Variants in ADISSP observed in about 807,000 individuals in gnomAD.
ADISSP encodes adipose secreted signaling protein.
At chr20:3,754,545 C>T in the ADISSP span, 1 of 1,600,200 alleles carries the variant, frequency 6.2e-7, no homozygotes, top group Non-Finnish European at 8.5e-7. Context: ...GGCAATTGGT[C>T]AGCACCTCCC....
the ADISSP span, among the ~76,000 whole-genome samples, chr20:3,762,198 G>C: frequency 6.6e-6 from 1 of 152,042 alleles, no homozygotes; most frequent in Non-Finnish European, 1.5e-5. Flanking sequence ...CTTGAATCCG[G>C]AAGGCGGAGG....
the ADISSP span, among the ~76,000 whole-genome samples, chr20:3,756,740 A>C: frequency 6.6e-6 from 1 of 152,294 alleles, no homozygotes; most frequent in African/African-American, 2.4e-5. Flanking sequence ...TTTCCAGGGG[A>C]AATAGAGATG....
the ADISSP span, among the ~76,000 whole-genome samples, chr20:3,764,103 C>T: frequency 2.0e-5 from 3 of 152,220 alleles, no homozygotes; most frequent in East Asian, 1.9e-4. Flanking sequence ...CCCCAGGGAA[C>T]TTGGTCTTGG....
chr20:3,766,974 C>T, the ADISSP span, among the ~76,000 whole-genome samples: 1 of 152,108 alleles, frequency 6.6e-6, no homozygotes, highest in East Asian at 1.9e-4. Flanking sequence ...TTCATACCAC[C>T]GGGAGGGAGG....
At chr20:3,756,768 C>T in the ADISSP span, among the ~76,000 whole-genome samples, 5 of 152,188 alleles carry the variant, frequency 3.3e-5, no homozygotes, top group East Asian at 1.9e-4. Flanking sequence ...AAATACTCTT[C>T]GCTGCCCTAT....
At chr20:3,767,403 C>A in the ADISSP span, 1 of 152,418 alleles carries the variant, frequency 6.6e-6, no homozygotes, top group African/African-American at 2.4e-5. Flanking sequence ...CGCACTCATG[C>A]CCCCGGACAA....
chr20:3,760,182 G>T, the ADISSP span: 2 of 1,181,820 alleles, frequency 1.7e-6, no homozygotes, highest in Non-Finnish European at 2.5e-6. Flanking sequence ...GACACCAGCG[G>T]GAGCCTGAAG....
At chr20:3,762,141 G>A in the ADISSP span, among the ~76,000 whole-genome samples, 2 of 152,200 alleles carry the variant, frequency 1.3e-5, no homozygotes, top group Middle Eastern at 3.4e-3. Context: ...GTGTGGTGGC[G>A]GGCAGCTGTA....
At chr20:3,758,346 G>A in the ADISSP span, among the ~76,000 whole-genome samples, 1 of 152,330 alleles carries the variant, frequency 6.6e-6, no homozygotes, top group Admixed American at 6.5e-5. This position sits in a 1 kb window ranked among gnomAD's most constrained non-coding sequence, Gnocchi z 5.5. Flanking sequence ...TCTTGATCTG[G>A]ATGACATTCT....
At chr20:3,754,495 G>A in the ADISSP span, 11 of 1,613,990 alleles carry the variant, frequency 6.8e-6, no homozygotes, top group Admixed American at 1.7e-5. Context: ...TTTGTGCGCC[G>A]AGTACTCACA....
At chr20:3,758,074 G>GT in the ADISSP span, among the ~76,000 whole-genome samples, 1 of 152,082 alleles carries the variant, frequency 6.6e-6, no homozygotes, top group African/African-American at 2.4e-5. The surrounding 1 kb of genome is among the most constrained non-coding windows in gnomAD (Gnocchi z 5.5). Flanking sequence ...GCAAAGAAGG[G>GT]TTAAAAAAAA....
chr20:3,758,786 A>C, the ADISSP span: 1 of 1,064,160 alleles, frequency 9.4e-7, no homozygotes, highest in Non-Finnish European at 1.4e-6. This position sits in a 1 kb window ranked among gnomAD's most constrained non-coding sequence, Gnocchi z 5.5. Flanking sequence ...TCCAGCTCCC[A>C]CTGGCTGGGC....
the ADISSP span, chr20:3,755,475 G>T: frequency 3.1e-6 from 5 of 1,611,016 alleles, no homozygotes; most frequent in Non-Finnish European, 4.2e-6. Context: ...GCACCTTCAG[G>T]GACGGGCACC....
the ADISSP span, among the ~76,000 whole-genome samples, chr20:3,763,377 G>A: frequency 6.6e-6 from 1 of 151,880 alleles, no homozygotes; most frequent in South Asian, 2.1e-4. Context: ...GGCCAACATG[G>A]AGAAACCCTG....
At chr20:3,760,937 C>T in the ADISSP span, among the ~76,000 whole-genome samples, 1 of 152,154 alleles carries the variant, frequency 6.6e-6, no homozygotes, top group African/African-American at 2.4e-5. Context: ...AGATGGAACA[C>T]ATAAAAGCAG....
the ADISSP span, among the ~76,000 whole-genome samples, chr20:3,764,850 C>A: frequency 6.6e-6 from 1 of 152,378 alleles, no homozygotes; most frequent in South Asian, 2.1e-4. Flanking sequence ...AACTCCCCAC[C>A]CCACTCTTTT....
At chr20:3,758,399 C>G in the ADISSP span, 3 of 718,224 alleles carry the variant, frequency 4.2e-6, no homozygotes, top group Non-Finnish European at 7.1e-6. The surrounding 1 kb of genome is among the most constrained non-coding windows in gnomAD (Gnocchi z 5.5). Context: ...TCCCATCTGA[C>G]AGATGGGGCA....
chr20:3,763,866 A>G, the ADISSP span, among the ~76,000 whole-genome samples: 1 of 152,112 alleles, frequency 6.6e-6, no homozygotes, highest in African/African-American at 2.4e-5. Context: ...CCACTTCTCA[A>G]TGTGGGCAAA....
chr20:3,762,128 C>A, the ADISSP span, among the ~76,000 whole-genome samples: 1 of 152,000 alleles, frequency 6.6e-6, no homozygotes, highest in African/African-American at 2.4e-5. Flanking sequence ...AAAGATTAGC[C>A]GGGTGTGGTG....
Sources: gnomAD v4.1 joint callset for allele counts (sites outside exome capture counted in the v4.1 genomes callset) on GRCh38, gnomAD v4.1.1 for gene constraint, Gnocchi (gnomAD v3.1) non-coding constraint, MANE v1.5 for transcripts, NCBI Gene and HGNC (gene_info 2026-07-23, HGNC 2026-07-21) for gene names.